Variants in GFRA2 observed in about 807,000 individuals in gnomAD.
The protein encoded by GFRA2 is GDNF family receptor alpha-2.
GFRA2 carries 17 observed loss-of-function variants against 48.3 expected under a neutral mutation model. The observed-to-expected ratio is 0.35, with a 90% CI of 0.24 to 0.53. The LOEUF (loss-of-function observed/expected upper bound fraction) is 0.53, where lower values mean the gene tolerates loss of function less well. GFRA2 is among the 20% of genes least tolerant of loss of function. The probability of loss-of-function intolerance (pLI) is 0.93; values close to 1 mark genes in which losing one functional copy is unlikely to be tolerated. For synonymous variants in GFRA2, 305 were observed against 257.2 expected, an observed-to-expected ratio of 1.19 and a Z score of -1.78; for missense variants, 660 against 637.3, an observed-to-expected ratio of 1.04 and a Z score of -0.38.
At chr8:21,701,319 A>T (rs1003615139) in intron 7 of GFRA2, among the ~76,000 whole-genome samples, 2 of 152,188 alleles carry the variant, frequency 1.3e-5, no homozygotes, top group African/African-American at 4.8e-5. Context: ...GCGTGAACCC[A>T]GGAGGTGGAG....
chr8:21,811,366 A>G (rs113127444), intron 1 of GFRA2, among the ~76,000 whole-genome samples: 3 of 152,262 alleles, frequency 2.0e-5, no homozygotes, highest in African/African-American at 4.8e-5. Flanking sequence ...AGGAGATCCT[A>G]ACATGTGACT....
intron 3 of GFRA2, among the ~76,000 whole-genome samples, chr8:21,751,573 C>T (rs2117599149): frequency 6.6e-6 from 1 of 152,342 alleles, no homozygotes; most frequent in South Asian, 2.1e-4. Context: ...TGCAGTTATG[C>T]CAGCGAGAAC....
At chr8:21,786,340 C>T (rs1194088508) in intron 1 of GFRA2, among the ~76,000 whole-genome samples, 1 of 152,258 alleles carries the variant, frequency 6.6e-6, no homozygotes, top group Non-Finnish European at 1.5e-5. Flanking sequence ...CCCCCGACCA[C>T]AGATGGTGCC....
intron 4 of GFRA2, among the ~76,000 whole-genome samples, chr8:21,713,401 G>A (rs1030754492): frequency 2.0e-5 from 3 of 151,890 alleles, no homozygotes; most frequent in Admixed American, 6.6e-5. Context: ...TCACCTTGTT[G>A]GCCAAGCTGG....
At chr8:21,753,289 C>A (rs1004391412) in intron 3 of GFRA2, among the ~76,000 whole-genome samples, 11 of 152,166 alleles carry the variant, frequency 7.2e-5, no homozygotes, top group Admixed American at 7.2e-4. Flanking sequence ...GAAACACACA[C>A]CAGATTTTGA....
intron 8 of GFRA2, among the ~76,000 whole-genome samples, chr8:21,693,613 G>T (rs978591433): frequency 1.3e-5 from 2 of 151,992 alleles, no homozygotes; most frequent in Non-Finnish European, 2.9e-5. Context: ...GGAATGCTCT[G>T]TCCCTTCTGG....
chr8:21,701,451 C>T (rs923696028), intron 7 of GFRA2, among the ~76,000 whole-genome samples: 4 of 152,170 alleles, frequency 2.6e-5, no homozygotes, highest in Non-Finnish European at 5.9e-5. Flanking sequence ...AGAGGCCCTT[C>T]CTCTTCCATT....
At chr8:21,708,006 C>T (rs1225765150) in intron 4 of GFRA2, among the ~76,000 whole-genome samples, 1 of 152,214 alleles carries the variant, frequency 6.6e-6, no homozygotes, top group Non-Finnish European at 1.5e-5. Context: ...AGCTAAACAA[C>T]TTTGCCCCCA....
chr8:21,706,620 A>G (rs1304663096), intron 4 of GFRA2, among the ~76,000 whole-genome samples: 1 of 152,138 alleles, frequency 6.6e-6, no homozygotes, highest in Non-Finnish European at 1.5e-5. Flanking sequence ...ATTAAGCCAG[A>G]GCAAAGGCTC....
intron 1 of GFRA2, among the ~76,000 whole-genome samples, chr8:21,785,346 G>T (rs1489112981): frequency 6.6e-6 from 1 of 152,198 alleles, no homozygotes; most frequent in Non-Finnish European, 1.5e-5. Flanking sequence ...AAGGGCCGGG[G>T]CATCCATTCA....
intron 8 of GFRA2, among the ~76,000 whole-genome samples, chr8:21,693,870 A>C (rs1047952769): frequency 6.4e-5 from 1 of 15,618 alleles, no homozygotes; most frequent in Non-Finnish European, 1.4e-4. Context: ...TCCAATCCCC[A>C]CTCCTCCATG....
At chr8:21,794,532 T>G (rs1184061786) in intron 2 of GFRA2, among the ~76,000 whole-genome samples, 1 of 152,172 alleles carries the variant, frequency 6.6e-6, no homozygotes, top group Admixed American at 6.5e-5. Flanking sequence ...ATTACAGGCG[T>G]GAGCCACCAC....
chr8:21,804,134 C>T (rs935782673), intron 2 of GFRA2, among the ~76,000 whole-genome samples: 7 of 151,994 alleles, frequency 4.6e-5, no homozygotes, highest in Non-Finnish European at 7.4e-5. Flanking sequence ...AAAAATCATT[C>T]GCTTTACCAC....
intron 3 of GFRA2, among the ~76,000 whole-genome samples, chr8:21,773,009 G>A (rs1005263289): frequency 1.3e-5 from 2 of 152,176 alleles, no homozygotes; most frequent in Non-Finnish European, 2.9e-5. Context: ...TGCATCTGGC[G>A]GCCACCAGGG....
intron 4 of GFRA2, among the ~76,000 whole-genome samples, chr8:21,708,757 G>C (rs1280450526): frequency 1.3e-5 from 2 of 152,166 alleles, no homozygotes; most frequent in Non-Finnish European, 2.9e-5. Flanking sequence ...GGCTGCAGCA[G>C]TGCCTGAAAC....
chr8:21,788,508 T>G lies in GFRA2; in HGVS notation c.-349A>C. 2.9e-6 allele frequency: 3 copies of G among 1,050,064 alleles called. No homozygotes were observed. The highest frequency in any genetic ancestry group is 7.4e-5 in the East Asian group (1 of 13,554). 65.0% of individuals were successfully genotyped at this position (1,050,064 alleles called of 1,614,324 possible). ...AGGCGTGAGTCCCCGCGGGTCCAAT[T>G]CCCCTGCGCTTCCCAGGAGGGGCCT... On this transcript the variant is annotated 5_prime_UTR_variant, in exon 1 of 9. Coordinates refer to ENST00000524240, the MANE Select transcript of GFRA2 (RefSeq NM_001495.5).
intron 4 of GFRA2, among the ~76,000 whole-genome samples, chr8:21,716,016 T>C (rs1803313036): frequency 6.6e-6 from 1 of 152,140 alleles, no homozygotes; most frequent in Non-Finnish European, 1.5e-5. Flanking sequence ...TAGTTGGGTC[T>C]CTGTCACTTG....
chr8:21,752,687 T>C (rs1343304283), intron 3 of GFRA2, among the ~76,000 whole-genome samples: 5 of 152,064 alleles, frequency 3.3e-5, no homozygotes, highest in Non-Finnish European at 2.9e-5. Context: ...GCAAGCCTAA[T>C]ACCCAAATCT....
intron 4 of GFRA2, among the ~76,000 whole-genome samples, chr8:21,744,204 G>A (rs919458802): frequency 6.6e-6 from 1 of 152,206 alleles, no homozygotes; most frequent in Non-Finnish European, 1.5e-5. Context: ...GAAAGAGAGT[G>A]TGTGGAAGGG....
Sources: allele counts gnomAD v4.1 joint callset (sites outside exome capture counted in the v4.1 genomes callset), GRCh38; gene constraint gnomAD v4.1.1; transcripts MANE v1.5; gene names NCBI Gene and HGNC (gene_info 2026-07-23, HGNC 2026-07-21).